Variants in SCN11A observed in about 807,000 individuals in gnomAD.
The protein encoded by SCN11A is sodium voltage-gated channel alpha subunit 11.
Under a neutral mutation model 162.2 loss-of-function variants are expected in SCN11A, and 122 were observed. That is an observed-to-expected ratio of 0.75 (90% CI 0.65 to 0.87). The LOEUF is 0.87. SCN11A is among the 40% of genes least tolerant of loss of function. The probability of loss-of-function intolerance (pLI) is 0.00; values close to 1 mark genes in which losing one functional copy is unlikely to be tolerated. For missense variants in SCN11A, 2,015 were observed against 2,181.6 expected (o/e 0.92, Z 1.52); for synonymous variants, 758 against 751.5 (o/e 1.01, Z -0.14).
At chr3:38,946,137 A>G (rs1365439588) in intron 6 of SCN11A, among the ~76,000 whole-genome samples, 1 of 152,184 alleles carries the variant, frequency 6.6e-6, no homozygotes, top group Admixed American at 6.5e-5. Flanking sequence ...TGACATTGCA[A>G]ACCCTAAGTT....
In SCN11A at chr3:38,899,989, T is replaced by C. The variant is rs200800847; in HGVS notation, c.1927A>G (p.Ile643Val). The C allele has an allele frequency of 8.2e-5, 133 of 1,614,010 alleles. No homozygotes were observed. Among genetic ancestry groups the C allele is most frequent in the Non-Finnish European group, 1.1e-4 (129 of 1,180,012 alleles). The change falls in exon 17 of 30, where the codon ATT becomes GTT. Residue 643 changes from isoleucine to valine, a missense_variant. Coordinates refer to ENST00000302328, the MANE Select transcript of SCN11A (RefSeq NM_001349253.2). ...PYHYFRRGWN[I>V]FDSIVALLSF... The stretch of plus-strand genomic sequence containing the variant: ...AGAAGAGCAACAATGCTGTCAAAAA[T>C]GTTCCAGCCTCGGCGAAAGTAGTGG...
chr3:38,853,530 A>G (rs1289181186), intron 28 of SCN11A, among the ~76,000 whole-genome samples: 1 of 152,200 alleles, frequency 6.6e-6, no homozygotes, highest in African/African-American at 2.4e-5. Flanking sequence ...ACATTCATTG[A>G]CTTTTTTAGT....
chr3:38,894,732 TCTTTG>T lies in SCN11A; in HGVS notation c.2631_2635del (p.Ser877ArgfsTer34). On this transcript the variant is annotated frameshift_variant, in exon 19 of 30. Transcript: ENST00000302328. LOFTEE classifies it high-confidence loss of function. Reference sequence around the variant, plus strand: ...CATCTCCATGACCAGGGGAATGATGTCTTTGCTTTGTGCAGCACAGCCTCCTGCCA... The same window carrying T: ...CATCTCCATGACCAGGGGAATGATGTCTTTGTGCAGCACAGCCTCCTGCCA... 6.2e-7 allele frequency: 1 copy of T among 1,614,208 alleles called. No individual in the cohort carries two copies. Among genetic ancestry groups the T allele is most frequent in the Non-Finnish European group, 8.5e-7 (1 of 1,180,030 alleles).
intron 11 of SCN11A, among the ~76,000 whole-genome samples, chr3:38,910,949 A>G (rs999298100): frequency 2.4e-4 from 37 of 152,334 alleles, no homozygotes; most frequent in African/African-American, 8.2e-4. Flanking sequence ...AAAGTAATAC[A>G]TGCACATGGC....
chr3:38,923,618 T>C (rs563939921), intron 9 of SCN11A, among the ~76,000 whole-genome samples: 1 of 152,338 alleles, frequency 6.6e-6, no homozygotes, highest in South Asian at 2.1e-4. Context: ...TACCTTTGAA[T>C]TGACACAGAA....
intron 2 of SCN11A, among the ~76,000 whole-genome samples, chr3:38,973,549 ATAGT>A (rs2066830257): frequency 6.6e-6 from 1 of 152,208 alleles, no homozygotes; most frequent in African/African-American, 2.4e-5. Context: ...ATCAGTATGG[ATAGT>A]TAGATACCTT....
chr3:38,870,281 C>T (rs1490750889), intron 26 of SCN11A, among the ~76,000 whole-genome samples: 4 of 152,182 alleles, frequency 2.6e-5, no homozygotes, highest in African/African-American at 7.2e-5. Flanking sequence ...ATGCGAGGGT[C>T]TCCCTTGCAA....
At chr3:38,945,714 G>A (rs1350133089) in intron 6 of SCN11A, among the ~76,000 whole-genome samples, 1 of 152,184 alleles carries the variant, frequency 6.6e-6, no homozygotes, top group Admixed American at 6.5e-5. Flanking sequence ...CTCACTTGGA[G>A]AGCTACACAC....
intron 6 of SCN11A, among the ~76,000 whole-genome samples, chr3:38,946,240 C>T (rs1489283354): frequency 6.6e-6 from 1 of 152,138 alleles, no homozygotes; most frequent in Non-Finnish European, 1.5e-5. Context: ...CTTACATGCC[C>T]CCTCCAAAGA....
At chr3:38,994,467 C>G (rs576544409) in intron 2 of SCN11A, among the ~76,000 whole-genome samples, 3 of 152,118 alleles carry the variant, frequency 2.0e-5, no homozygotes, top group Non-Finnish European at 4.4e-5. Flanking sequence ...TTGTTGTTGA[C>G]GTTTAAGAGG....
intron 23 of SCN11A, among the ~76,000 whole-genome samples, chr3:38,872,532 G>A (rs1375844187): frequency 6.6e-6 from 1 of 152,172 alleles, no homozygotes; most frequent in Non-Finnish European, 1.5e-5. Flanking sequence ...TGGAGTGGGG[G>A]TAGGAGGTGG....
intron 2 of SCN11A, among the ~76,000 whole-genome samples, chr3:39,024,513 C>T (rs998043374): frequency 6.6e-6 from 1 of 152,156 alleles, no homozygotes; most frequent in Non-Finnish European, 1.5e-5. Flanking sequence ...AAAGTTTCTC[C>T]CCTGAGACTA....
intron 23 of SCN11A, among the ~76,000 whole-genome samples, chr3:38,874,469 G>A (rs1015067467): frequency 1.3e-5 from 2 of 152,010 alleles, no homozygotes; most frequent in Non-Finnish European, 2.9e-5. Context: ...ATGGTGGTGG[G>A]CGCCTGTAGT....
intron 11 of SCN11A, 136 bp from the exon 12 acceptor site, chr3:38,910,343 G>A: frequency 1.4e-6 from 1 of 739,412 alleles, no homozygotes; most frequent in Non-Finnish European, 2.2e-6. Context: ...TTTGTAAAGT[G>A]GCCCACTGCA....
intron 2 of SCN11A, among the ~76,000 whole-genome samples, chr3:38,992,702 C>G (rs1361723030): frequency 6.6e-6 from 1 of 152,190 alleles, no homozygotes; most frequent in Non-Finnish European, 1.5e-5. Context: ...TCAGCAACCC[C>G]CGGAAGGTGG....
chr3:38,987,044 A>C (rs1395747317), intron 2 of SCN11A, among the ~76,000 whole-genome samples: 2 of 152,186 alleles, frequency 1.3e-5, no homozygotes, highest in African/African-American at 4.8e-5. Flanking sequence ...GGCTCTGCCT[A>C]CCACACACAC....
chr3:38,953,938 A>T (rs1190014348), intron 3 of SCN11A, among the ~76,000 whole-genome samples, 179 bp from the exon 4 acceptor site: 1 of 152,098 alleles, frequency 6.6e-6, no homozygotes, highest in African/African-American at 2.4e-5. Context: ...GTTCAATACA[A>T]CCAGCTTTTC....
At position 38,950,265 on chromosome 3, in the gene SCN11A, A is replaced by G. The variant is rs1213846838; in HGVS notation, c.98T>C (p.Ile33Thr). The G allele has an allele frequency of 1.9e-6, 3 of 1,613,920 alleles. No individual in the cohort carries two copies. The African/African-American group carries it at 4.0e-5, about 22-fold the overall frequency. Residue 33 changes from isoleucine (I) to threonine (T), a missense_variant, in exon 5 of 30, where the codon ATC (isoleucine) becomes ACC (threonine). By Grantham distance (89) the Ile-to-Thr change is moderately conservative (BLOSUM62 -1). Coordinates refer to ENST00000302328, the MANE Select transcript of SCN11A (RefSeq NM_001349253.2). Reference sequence around the variant, plus strand: ...TTTAGACTTCTTTTTCTCCTTTTGGATGGCAATCCGCTTCTCAATTGCAGC... The same window carrying G: ...TTTAGACTTCTTTTTCTCCTTTTGGGTGGCAATCCGCTTCTCAATTGCAGC... ...SLAAIEKRIA[I>T]QKEKKKSKDQ...
At chr3:39,015,149 C>A (rs934820980) in intron 2 of SCN11A, among the ~76,000 whole-genome samples, 5 of 152,202 alleles carry the variant, frequency 3.3e-5, no homozygotes, top group African/African-American at 1.2e-4. Flanking sequence ...GGGCACTAGG[C>A]CTCCACCCTC....
Sources: allele counts gnomAD v4.1 joint callset (sites outside exome capture counted in the v4.1 genomes callset), GRCh38; gene constraint gnomAD v4.1.1; transcripts MANE v1.5; gene names NCBI Gene and HGNC (gene_info 2026-07-23, HGNC 2026-07-21).